NRXN1: variants seen among roughly 807,000 people sequenced by gnomAD.
The protein encoded by NRXN1 is neurexin-1.
NRXN1 carries 39 observed loss-of-function variants against 150.9 expected under a neutral mutation model. That is an observed-to-expected ratio of 0.26 (90% CI 0.20 to 0.34). NRXN1 has a LOEUF of 0.34. Among genes scored for constraint, NRXN1 ranks in the 10% least tolerant of loss-of-function variants. The pLI, the probability that NRXN1 is intolerant of heterozygous loss-of-function variation, is 1.00. For missense variants in NRXN1, 1,815 were observed against 1,949.9 expected, an observed-to-expected ratio of 0.93 and a Z score of 1.30; for synonymous variants, 924 against 757.0, an observed-to-expected ratio of 1.22 and a Z score of -3.62.
intron 21 of NRXN1, among the ~76,000 whole-genome samples, chr2:49,989,854 T>C (rs558959364): frequency 6.6e-6 from 1 of 152,318 alleles, no homozygotes; most frequent in East Asian, 1.9e-4. Context: ...CACCAATTTT[T>C]ATCTGTTTTT....
intron 2 of NRXN1, among the ~76,000 whole-genome samples, chr2:50,945,077 A>C (rs1332541282): frequency 6.6e-6 from 1 of 152,164 alleles, no homozygotes. Flanking sequence ...CTTTTCTACA[A>C]AGGGCCAGAT....
intron 18 of NRXN1, among the ~76,000 whole-genome samples, chr2:50,153,802 G>C (rs1243461902): frequency 6.6e-6 from 1 of 151,858 alleles, no homozygotes; most frequent in Non-Finnish European, 1.5e-5. Context: ...CAACAATGAG[G>C]AGAGGGTGAA....
At chr2:50,453,941 G>A (rs183274904) in intron 17 of NRXN1, among the ~76,000 whole-genome samples, 1 of 152,238 alleles carries the variant, frequency 6.6e-6, no homozygotes, top group Admixed American at 6.6e-5. Context: ...GATGATTCCC[G>A]TAGTATCAGC....
chr2:50,242,143 T>C (rs1191013048), intron 17 of NRXN1, among the ~76,000 whole-genome samples: 1 of 151,714 alleles, frequency 6.6e-6, no homozygotes, highest in African/African-American at 2.4e-5. Context: ...TCAGTGAAAG[T>C]TTACAGTGAA....
chr2:50,363,879 G>A (rs2079398375), intron 17 of NRXN1, among the ~76,000 whole-genome samples: 1 of 152,180 alleles, frequency 6.6e-6, no homozygotes, highest in African/African-American at 2.4e-5. Flanking sequence ...AAGAAAATGT[G>A]CACATATACA....
chr2:49,982,360 T>C (rs1312431606), intron 21 of NRXN1, among the ~76,000 whole-genome samples: 2 of 152,146 alleles, frequency 1.3e-5, no homozygotes, highest in African/African-American at 2.4e-5. Flanking sequence ...ATTAAAATGA[T>C]AAACTTCTTT....
At chr2:50,469,261 A>G (rs2089228992) in intron 16 of NRXN1, among the ~76,000 whole-genome samples, 1 of 151,602 alleles carries the variant, frequency 6.6e-6, no homozygotes, top group Non-Finnish European at 1.5e-5. Flanking sequence ...ATCTAAGTAG[A>G]CTTCGACGGG....
chr2:50,588,106 T>C (rs1320794741), intron 8 of NRXN1, among the ~76,000 whole-genome samples: 2 of 152,196 alleles, frequency 1.3e-5, no homozygotes, highest in African/African-American at 4.8e-5. Flanking sequence ...ACATCATACA[T>C]CCAGGCCATA....
intron 18 of NRXN1, among the ~76,000 whole-genome samples, chr2:50,151,660 G>A (rs2058704787): frequency 6.6e-6 from 1 of 151,826 alleles, no homozygotes; most frequent in Non-Finnish European, 1.5e-5. Flanking sequence ...ATTAGTGGCT[G>A]CCTGGGACTG....
chr2:50,817,615 C>T (rs550986018), intron 5 of NRXN1, among the ~76,000 whole-genome samples: 24 of 152,072 alleles, frequency 1.6e-4, no homozygotes, highest in Middle Eastern at 6.8e-3. Flanking sequence ...CAACAAAATA[C>T]TAACAAAGCA....
At chr2:50,557,536 T>C (rs1668435057) in intron 8 of NRXN1, among the ~76,000 whole-genome samples, 1 of 152,148 alleles carries the variant, frequency 6.6e-6, no homozygotes, top group South Asian at 2.1e-4. Context: ...TCACTCATTT[T>C]CAAACCTGTG....
chr2:50,385,220 T>A (rs570369080), intron 17 of NRXN1, among the ~76,000 whole-genome samples: 1 of 152,288 alleles, frequency 6.6e-6, no homozygotes, highest in South Asian at 2.1e-4. Flanking sequence ...AAGAAATGAA[T>A]CTCCATTGCA....
intron 2 of NRXN1, among the ~76,000 whole-genome samples, chr2:50,952,699 A>G (rs1254131297): frequency 2.0e-5 from 3 of 152,192 alleles, no homozygotes; most frequent in Non-Finnish European, 4.4e-5. Context: ...TGGTGGGATA[A>G]ATAGATCAGC....
intron 18 of NRXN1, among the ~76,000 whole-genome samples, chr2:50,153,096 C>T (rs764775498): frequency 1.8e-4 from 28 of 151,576 alleles, no homozygotes; most frequent in African/African-American, 5.1e-4. Context: ...GTAGTTCTTC[C>T]TCCTGTCTGC....
intron 2 of NRXN1, among the ~76,000 whole-genome samples, chr2:50,953,021 T>G (rs140463068): frequency 2.0e-5 from 3 of 152,276 alleles, no homozygotes; most frequent in Non-Finnish European, 4.4e-5. Context: ...GAGAAAATAC[T>G]AAGAGAGAGG....
chr2:50,315,073 C>A (rs997396584), intron 17 of NRXN1, among the ~76,000 whole-genome samples: 1 of 151,896 alleles, frequency 6.6e-6, no homozygotes, highest in Non-Finnish European at 1.5e-5. Flanking sequence ...GTATATTCTT[C>A]TAGGTAATGC....
At chr2:50,257,812 C>T (rs1339975606) in intron 17 of NRXN1, among the ~76,000 whole-genome samples, 1 of 151,474 alleles carries the variant, frequency 6.6e-6, no homozygotes, top group Non-Finnish European at 1.5e-5. Context: ...AATCTAGTAG[C>T]TAGTTTTATG....
rs1671083205 is a variant in NRXN1, at chr2:51,029,107, G to T, written c.-834C>A. 6.6e-6 allele frequency: 1 copy of T among 152,232 alleles called. No individual in the cohort carries two copies. Among genetic ancestry groups the T allele is most frequent in the Admixed American group, 6.5e-5 (1 of 15,280 alleles). The allele number at this position is 152,232 out of a possible 1,614,324, so 9.4% of individuals were successfully genotyped here. A position where few individuals can be genotyped will look rare whatever the true frequency, so the allele number is the denominator to read the frequency against. ...CTCTTCTTTTCTCTCTGCCTCTGCA[G>T]GGCCAAGCTAAGATGCCAGCACATC... On this transcript the variant is annotated 5_prime_UTR_variant, in exon 2 of 23. The change creates a new upstream start codon in the 5' untranslated region. Transcript: ENST00000401669.
At chr2:50,258,323 C>T (rs892520409) in intron 17 of NRXN1, among the ~76,000 whole-genome samples, 1 of 152,052 alleles carries the variant, frequency 6.6e-6, no homozygotes, top group Non-Finnish European at 1.5e-5. Context: ...ATTCTACATC[C>T]ATTGTTGTCA....
Sources: gnomAD v4.1 joint callset for allele counts (sites outside exome capture counted in the v4.1 genomes callset) on GRCh38, gnomAD v4.1.1 for gene constraint, MANE v1.5 for transcripts, NCBI Gene and HGNC (gene_info 2026-07-23, HGNC 2026-07-21) for gene names.